LYN: variants seen among roughly 807,000 people sequenced by gnomAD.
LYN encodes LYN proto-oncogene, Src family tyrosine kinase.
In LYN, 12 loss-of-function variants were observed where a neutral mutation model predicts 65.0. That is an observed-to-expected ratio of 0.18 (90% CI 0.12 to 0.30). LYN has a LOEUF of 0.30. Ranked by LOEUF, LYN falls within the 10% of genes least tolerant of loss-of-function variation. The pLI, the probability that LYN is intolerant of heterozygous loss-of-function variation, is 1.00. For synonymous variants in LYN, 222 were observed against 221.2 expected (o/e 1.00, Z -0.03); for missense variants, 380 against 623.2 (o/e 0.61, Z 4.16).
At chr8:55,977,879 C>T (rs1262478332) in intron 10 of LYN, among the ~76,000 whole-genome samples, 1 of 152,108 alleles carries the variant, frequency 6.6e-6, no homozygotes, top group Admixed American at 6.5e-5. Context: ...TGATTACACC[C>T]ACCGCCCTCC....
chr8:55,947,722 G>A lies in LYN; in HGVS notation c.283G>A (p.Glu95Lys). 6.2e-7 allele frequency: 1 copy of A among 1,609,618 alleles called. No individual in the cohort carries two copies. Among genetic ancestry groups the A allele is most frequent in the Non-Finnish European group, 8.5e-7 (1 of 1,176,050 alleles). Reference sequence around the variant, plus strand: ...AGGAGAGAAGATGAAAGTCCTGGAGGAGTAAGTGCTCTCAAGCACGCCACG... The same window carrying A: ...AGGAGAGAAGATGAAAGTCCTGGAGAAGTAAGTGCTCTCAAGCACGCCACG... ...KKGEKMKVLE[E>K]HGEWWKAKSL... is the part of the protein sequence containing the mutation. Residue 95 changes from glutamate (E) to lysine (K), a missense_variant and splice_region_variant, in exon 4 of 13, where the codon GAG becomes AAG. Physicochemically the swap from Glu to Lys is moderately conservative, Grantham distance 56 (BLOSUM62 1). This residue lies in a region of LYN where 157 missense variants were observed against 193.2 expected (regional missense o/e 0.81). Coordinates refer to ENST00000519728, the MANE Select transcript of LYN (RefSeq NM_002350.4).
At chr8:55,974,897 G>A (rs193299684) in intron 10 of LYN, among the ~76,000 whole-genome samples, 14 of 152,266 alleles carry the variant, frequency 9.2e-5, no homozygotes, top group African/African-American at 2.4e-4. Context: ...AGTGGAAGCC[G>A]CAGGTGATTG....
rs370367622 is a variant in LYN, at chr8:55,942,526, C to A, written c.132+535C>A. ...GAGAGGCTGGGCGCGGTGGCTCACG[C>A]TTGTAATCCCAGCACTTTGGGAGGC... On this transcript the variant is annotated intron_variant, in intron 2 of 12. Transcript: ENST00000519728. Among the ~76,000 whole-genome samples the A allele has an allele frequency of 1.0e-3, 153 of 151,102 alleles. 1 individual carries two copies. The highest frequency in any genetic ancestry group is 3.5e-3 in the African/African-American group (146 of 41,166).
intron 11 of LYN, 31 bp from the exon 12 acceptor site, chr8:55,999,387 C>T (rs542561002): frequency 1.3e-6 from 2 of 1,599,714 alleles, no homozygotes; most frequent in Admixed American, 1.7e-5. Context: ...GTTTAAATAC[C>T]CAAGTAAGAA....
chr8:55,935,452 A>G (rs759978576), intron 1 of LYN, among the ~76,000 whole-genome samples: 17 of 152,206 alleles, frequency 1.1e-4, no homozygotes, highest in Non-Finnish European at 2.4e-4. Context: ...CGGTCTGGCT[A>G]GGTCCTTTTC....
intron 8 of LYN, among the ~76,000 whole-genome samples, chr8:55,958,475 A>C (rs779634544): frequency 1.8e-4 from 27 of 152,236 alleles, no homozygotes; most frequent in Non-Finnish European, 3.2e-4. Flanking sequence ...TTGTGGTTAA[A>C]TACACGTGAC....
chr8:55,954,437 C>G (rs1275555903), intron 8 of LYN, among the ~76,000 whole-genome samples: 1 of 152,250 alleles, frequency 6.6e-6, no homozygotes, highest in African/African-American at 2.4e-5. Flanking sequence ...ATGAAGAAAT[C>G]ATTTCTTAAC....
intron 1 of LYN, among the ~76,000 whole-genome samples, chr8:55,887,361 G>T (rs1196822585): frequency 6.6e-6 from 1 of 151,882 alleles, no homozygotes; most frequent in Non-Finnish European, 1.5e-5. Flanking sequence ...TTCATATATG[G>T]ACACATCATC....
chr8:55,996,480 A>G (rs770958749), intron 10 of LYN, among the ~76,000 whole-genome samples: 1 of 152,188 alleles, frequency 6.6e-6, no homozygotes. Flanking sequence ...GAAAAATTCG[A>G]ATCAGAGTTT....
chr8:55,968,631 T>C (rs1260636369), intron 9 of LYN, among the ~76,000 whole-genome samples: 1 of 152,228 alleles, frequency 6.6e-6, no homozygotes, highest in Non-Finnish European at 1.5e-5. Flanking sequence ...TGATCTCACT[T>C]AGTCTTTTCA....
intron 8 of LYN, among the ~76,000 whole-genome samples, chr8:55,961,503 C>T (rs1807272399): frequency 6.6e-6 from 1 of 152,152 alleles, no homozygotes. Context: ...CTGGGAGCTG[C>T]CGCCATTCTT....
intron 1 of LYN, chr8:55,894,037 G>C (rs1805025018): frequency 6.6e-6 from 1 of 152,002 alleles, no homozygotes; most frequent in Admixed American, 6.6e-5. Flanking sequence ...CCCATCTGTG[G>C]GTTCATCTTT....
In LYN at chr8:55,947,735, C is replaced by G. The variant is rs769916307; in HGVS notation, c.284+12C>G. ...AAAGTCCTGGAGGAGTAAGTGCTCT[C>G]AAGCACGCCACGGCTGCTCGTTTCC... On this transcript the variant is annotated intron_variant, in intron 4 of 12. Transcript: ENST00000519728. 5 of 1,573,422 alleles carry G rather than the reference C, an allele frequency of 3.2e-6. No individual in the cohort carries two copies. The South Asian group carries it at 4.4e-5, about 14-fold the overall frequency.
intron 8 of LYN, among the ~76,000 whole-genome samples, chr8:55,954,839 TAAATA>T (rs948407762): frequency 1.3e-3 from 41 of 31,518 alleles, no homozygotes; most frequent in Non-Finnish European, 4.0e-3. Flanking sequence ...TGCCTCAAAA[TAAATA>T]AATAAATAAA....
chr8:55,881,848 T>C (rs1804661166), intron 1 of LYN, among the ~76,000 whole-genome samples: 1 of 152,186 alleles, frequency 6.6e-6, no homozygotes, highest in African/African-American at 2.4e-5. Flanking sequence ...TCATCTGTCT[T>C]GTCCAAAATG....
intron 12 of LYN, among the ~76,000 whole-genome samples, chr8:56,007,132 C>T (rs1808696402): frequency 6.6e-6 from 1 of 152,158 alleles, no homozygotes; most frequent in African/African-American, 2.4e-5. Context: ...TGGCTGCATT[C>T]TGACCTTTTA....
intron 1 of LYN, among the ~76,000 whole-genome samples, chr8:55,900,232 A>G (rs1805222097): frequency 6.6e-6 from 1 of 152,232 alleles, no homozygotes; most frequent in Non-Finnish European, 1.5e-5. Flanking sequence ...GTTGCAATGA[A>G]TATTTAAACA....
intron 8 of LYN, among the ~76,000 whole-genome samples, chr8:55,957,293 C>A (rs1807146590): frequency 6.6e-6 from 1 of 151,998 alleles, no homozygotes; most frequent in Admixed American, 6.5e-5. Flanking sequence ...GTTTTTTATT[C>A]TAGTTATTGG....
At chr8:55,935,399 C>A (rs576488690) in intron 1 of LYN, among the ~76,000 whole-genome samples, 24 of 152,180 alleles carry the variant, frequency 1.6e-4, no homozygotes, top group Admixed American at 5.2e-4. Flanking sequence ...AAAATAATGA[C>A]CATGGTATGT....
Sources: allele counts gnomAD v4.1 joint callset (sites outside exome capture counted in the v4.1 genomes callset), GRCh38; gene constraint gnomAD v4.1.1; regional missense constraint gnomAD v4.1.1; transcripts MANE v1.5; gene names NCBI Gene and HGNC (gene_info 2026-07-23, HGNC 2026-07-21).